The following DMXL2 variants were observed in gnomAD, a reference collection of about 807,000 sequenced individuals.
DMXL2 encodes the protein Dmx like 2.
Under a neutral mutation model 331.1 loss-of-function variants are expected in DMXL2, and 103 were observed. The ratio of observed to expected loss-of-function variants is 0.31; its 90% confidence interval spans 0.27 to 0.37. DMXL2 has a LOEUF of 0.37. DMXL2 is among the 10% of genes least tolerant of loss of function. The probability of loss-of-function intolerance (pLI) is 1.00; values close to 1 mark genes in which losing one functional copy is unlikely to be tolerated. For synonymous variants in DMXL2, 1,281 were observed against 1,252.1 expected (o/e 1.02, Z -0.49); for missense variants, 3,171 against 3,642.9 (o/e 0.87, Z 3.33).
intron 9 of DMXL2, among the ~76,000 whole-genome samples, chr15:51,538,977 A>G (rs2048435431): frequency 6.6e-6 from 1 of 152,024 alleles, no homozygotes; most frequent in Admixed American, 6.6e-5. Flanking sequence ...TGGGAGGGAG[A>G]GGCGGGTGGA....
At chr15:51,523,350 G>T (rs979406704) in intron 13 of DMXL2, among the ~76,000 whole-genome samples, 1 of 152,158 alleles carries the variant, frequency 6.6e-6, no homozygotes, top group African/African-American at 2.4e-5. Context: ...TTATAGCATG[G>T]GGGTCTCAAA....
At chr15:51,614,257 A>G (rs1424721294) in intron 1 of DMXL2, among the ~76,000 whole-genome samples, 4 of 152,144 alleles carry the variant, frequency 2.6e-5, no homozygotes, top group Non-Finnish European at 5.9e-5. Context: ...GGACTTCCAA[A>G]CTCCAGAACT....
chr15:51,599,766 C>G (rs921553071), intron 1 of DMXL2, among the ~76,000 whole-genome samples: 20 of 151,992 alleles, frequency 1.3e-4, no homozygotes, highest in Non-Finnish European at 1.5e-5. Flanking sequence ...GTGGTGCCAT[C>G]TTGGCTCACT....
intron 1 of DMXL2, among the ~76,000 whole-genome samples, chr15:51,602,561 C>T (rs2053300564): frequency 6.6e-6 from 1 of 152,150 alleles, no homozygotes; most frequent in African/African-American, 2.4e-5. Flanking sequence ...TCTGGAAAGG[C>T]AACTCAACAA....
intron 13 of DMXL2, among the ~76,000 whole-genome samples, chr15:51,525,918 G>A (rs1195695392): frequency 6.6e-6 from 1 of 152,034 alleles, no homozygotes; most frequent in African/African-American, 2.4e-5. Context: ...TTTGCTACCT[G>A]CAGACTGCAG....
In DMXL2 at chr15:51,455,986, T is replaced by C; in HGVS notation, c.8526+80A>G. On this transcript the variant is annotated intron_variant, in intron 39 of 43. Coordinates refer to ENST00000560891, the MANE Select transcript of DMXL2 (RefSeq NM_001378457.1). Reference sequence around the variant, plus strand: ...AAATCCAGGGTCACTGAATTCATTTTTCGATGCACTTTTATCACTTACTCC... The same window carrying C: ...AAATCCAGGGTCACTGAATTCATTTCTCGATGCACTTTTATCACTTACTCC... 14 of 1,519,126 alleles carry C rather than the reference T, an allele frequency of 9.2e-6. 1 individual carries two copies. Among genetic ancestry groups the C allele is most frequent in the Non-Finnish European group, 1.3e-5 (14 of 1,105,878 alleles). The allele number at this position is 1,519,126 out of a possible 1,614,324, so 94.1% of individuals were successfully genotyped here. A position where few individuals can be genotyped will look rare whatever the true frequency, so the allele number is the denominator to read the frequency against.
rs377677887 is a variant in DMXL2, at chr15:51,477,694, C to T, written c.6833+577G>A. On this transcript the variant is annotated intron_variant, in intron 26 of 43. Transcript: ENST00000560891. ...ATCTAGGTTATCTTTCCAAGTGATT[C>T]AATTTCCTGCTACTTACATTGCTCT... Among the ~76,000 whole-genome samples the T allele has an allele frequency of 3.3e-5, 5 of 152,092 alleles. No individual in the cohort carries two copies. In the East Asian group the frequency reaches 7.7e-4, roughly 23 times the overall value.
chr15:51,527,277 A>T (rs1439072489), intron 13 of DMXL2, among the ~76,000 whole-genome samples: 1 of 152,196 alleles, frequency 6.6e-6, no homozygotes, highest in Non-Finnish European at 1.5e-5. Flanking sequence ...TTACCCTAGA[A>T]GAGTGTATCT....
chr15:51,528,761 A>T (rs1474986433), intron 13 of DMXL2, among the ~76,000 whole-genome samples: 1 of 151,860 alleles, frequency 6.6e-6, no homozygotes, highest in African/African-American at 2.4e-5. Context: ...TACTATCAAA[A>T]ACAATAGATA....
At chr15:51,578,778 T>C (rs1271079766) in intron 1 of DMXL2, among the ~76,000 whole-genome samples, 1 of 152,092 alleles carries the variant, frequency 6.6e-6, no homozygotes. Flanking sequence ...GTTAAATAAA[T>C]TACTGAATTA....
At position 51,474,437 on chromosome 15, in the gene DMXL2, C is replaced by T. The variant is rs1253630262; in HGVS notation, c.7120G>A (p.Ala2374Thr). 3 of 1,610,294 alleles carry T rather than the reference C, an allele frequency of 1.9e-6. No individual in the cohort carries two copies. Among genetic ancestry groups the T allele is most frequent in the Non-Finnish European group, 2.5e-6 (3 of 1,178,630 alleles). Residue 2374 changes from alanine (A) to threonine (T), a missense_variant, in exon 28 of 44, where the codon GCC becomes ACC. Ala to Thr is a moderately conservative substitution (Grantham distance 58). Around this residue, in one of 7 missense-constraint regions of DMXL2, gnomAD observed 766 missense variants for 940.5 expected, o/e 0.81. Coordinates refer to ENST00000560891, the MANE Select transcript of DMXL2 (RefSeq NM_001378457.1). ...CACATTCGATTATTTAATGGGTGGG[C>T]TGCAAGCCGAAATAATTCACTGGAG... Reference protein sequence around the residue: ...NSSSELFRLAAHPLNNRMWAA... With the variant: ...NSSSELFRLATHPLNNRMWAA...
chr15:51,535,948 TTTAA>T, intron 12 of DMXL2, among the ~76,000 whole-genome samples, 164 bp from the exon 13 acceptor site: 1 of 152,066 alleles, frequency 6.6e-6, no homozygotes, highest in Non-Finnish European at 1.5e-5. Context: ...TAACAAAAAG[TTTAA>T]TTAAAAAATG....
At chr15:51,476,517 A>G in intron 27 of DMXL2, 72 bp downstream of exon 27, 2 of 1,538,450 alleles carry the variant, frequency 1.3e-6, no homozygotes, top group Non-Finnish European at 1.8e-6. Flanking sequence ...CAAGCAGGAA[A>G]CTGGTCAGTA....
intron 15 of DMXL2, among the ~76,000 whole-genome samples, chr15:51,508,261 G>A (rs1381069693): frequency 6.6e-6 from 1 of 152,088 alleles, no homozygotes; most frequent in Non-Finnish European, 1.5e-5. Flanking sequence ...AACCACCATG[G>A]CACGTGTAAA....
At chr15:51,574,661 C>T (rs973518162) in intron 2 of DMXL2, among the ~76,000 whole-genome samples, 2 of 152,116 alleles carry the variant, frequency 1.3e-5, no homozygotes, top group Admixed American at 1.3e-4. Flanking sequence ...AAAGTTATCA[C>T]CACAAGGACT....
chr15:51,503,127 G>T, intron 16 of DMXL2, 94 bp from the exon 17 acceptor site: 2 of 920,768 alleles, frequency 2.2e-6, no homozygotes, highest in Non-Finnish European at 3.2e-6. Context: ...AAGAAACATA[G>T]CTTCTTAAAA....
In DMXL2 at chr15:51,537,628, G is replaced by T; in HGVS notation, c.1477C>A (p.Arg493=). The T allele has an allele frequency of 3.7e-6, 6 of 1,613,734 alleles. No individual in the cohort carries two copies. Among genetic ancestry groups the T allele is most frequent in the Admixed American group, 3.3e-5 (2 of 59,964 alleles). ...PMPLPTVLLD[R]KIETLLTEWN... ...TCAGTTAGCAGCGTTTCAATCTTCC[G>T]ATCAAGCAGAACCGTAGGCAGTGGC... The change falls in exon 11 of 44, where the codon CGG becomes AGG. Residue 493 remains arginine, a synonymous_variant. Transcript: ENST00000560891.
intron 13 of DMXL2, among the ~76,000 whole-genome samples, chr15:51,530,632 G>A (rs1182953666): frequency 1.3e-5 from 2 of 151,730 alleles, no homozygotes; most frequent in Non-Finnish European, 1.5e-5. Context: ...GCACATGCCT[G>A]TAGTCCCAGC....
intron 1 of DMXL2, among the ~76,000 whole-genome samples, chr15:51,606,078 C>A (rs1284670529): frequency 6.6e-6 from 1 of 152,116 alleles, no homozygotes; most frequent in Non-Finnish European, 1.5e-5. Flanking sequence ...TGAAAGTGCT[C>A]CATCTGACAA....
Sources: gnomAD v4.1 joint callset for allele counts (sites outside exome capture counted in the v4.1 genomes callset) on GRCh38, gnomAD v4.1.1 for gene constraint, gnomAD v4.1.1 regional missense constraint, MANE v1.5 for transcripts, NCBI Gene and HGNC (gene_info 2026-07-23, HGNC 2026-07-21) for gene names.